The following KCNQ1 variants were observed in gnomAD, a reference collection of about 807,000 sequenced individuals.
The protein encoded by KCNQ1 is potassium voltage-gated channel subfamily Q member 1.
In KCNQ1, 49 loss-of-function variants were observed where a neutral mutation model predicts 72.4. The observed-to-expected ratio is 0.68, with a 90% confidence interval of 0.54 to 0.86. The LOEUF is 0.86. Ranked by LOEUF, KCNQ1 falls within the 40% of genes least tolerant of loss-of-function variation. KCNQ1 has a pLI of 0.00. For missense variants in KCNQ1, 790 were observed against 945.1 expected, an observed-to-expected ratio of 0.84 and a Z score of 2.15; for synonymous variants, 450 against 412.6, an observed-to-expected ratio of 1.09 and a Z score of -1.10.
chr11:2,580,835 G>C (rs996937345), intron 6 of KCNQ1, among the ~76,000 whole-genome samples: 2 of 152,348 alleles, frequency 1.3e-5, no homozygotes, highest in African/African-American at 4.8e-5. Context: ...GTCCAGGCGG[G>C]GTGGGACTTG....
intron 10 of KCNQ1, chr11:2,622,216 T>C: frequency 2.5e-6 from 1 of 398,428 alleles, no homozygotes; most frequent in East Asian, 3.6e-5. Context: ...TATATTTTCT[T>C]ATATTCTGGG....
intron 10 of KCNQ1, chr11:2,646,665 C>T (rs1849670750): frequency 2.5e-6 from 1 of 398,588 alleles, no homozygotes; most frequent in East Asian, 3.6e-5. Flanking sequence ...AGCTGAACTT[C>T]AGGTGCAGGC....
intron 11 of KCNQ1, chr11:2,686,872 T>C (rs1850498299): frequency 5.0e-6 from 2 of 398,662 alleles, no homozygotes; most frequent in East Asian, 7.1e-5. Context: ...CTGGTTTGTG[T>C]CTGCCCAGTG....
intron 15 of KCNQ1, among the ~76,000 whole-genome samples, chr11:2,811,065 C>T (rs113363102): frequency 3.3e-5 from 5 of 152,246 alleles, no homozygotes; most frequent in East Asian, 1.9e-4. Context: ...GGCACCCTTA[C>T]AGCCCCGGCG....
At position 2,537,858 on chromosome 11, in the gene KCNQ1, G is replaced by A. The variant is rs1341722222; in HGVS notation, c.477+9840G>A. ...AGCCTCCTGAGCAGCTGGGACTGTG[G>A]GTGCGTGCCACCATGCCCCGCTAAT... On this transcript the variant is annotated intron_variant, in intron 2 of 15. Transcript: ENST00000155840. The surrounding 1 kb of genome is among the most constrained non-coding windows in gnomAD (Gnocchi z 5.2). Among the ~76,000 whole-genome samples, 1 of 152,148 alleles carries A rather than the reference G, an allele frequency of 6.6e-6. No homozygotes were observed. The highest frequency in any genetic ancestry group is 2.4e-5 in the African/African-American group (1 of 41,432).
In KCNQ1 at chr11:2,507,289, C is replaced by G. The variant is rs2133655212; in HGVS notation, c.387-20639C>G. 6.6e-6 allele frequency among the ~76,000 whole-genome samples: 1 copy of G among 152,334 alleles called. No individual in the cohort carries two copies. The highest frequency in any genetic ancestry group is 2.4e-5 in the African/African-American group (1 of 41,582). On this transcript the variant is annotated intron_variant, in intron 1 of 15. Transcript: ENST00000155840. The surrounding 1 kb of genome is among the most constrained non-coding windows in gnomAD (Gnocchi z 5.4). Reference sequence around the variant, plus strand: ...ACCTCTTCCTTAGAAGTTCACCCCACTGGCTGGGGCCTTCACGAGGCCCCT... The same window carrying G: ...ACCTCTTCCTTAGAAGTTCACCCCAGTGGCTGGGGCCTTCACGAGGCCCCT...
At chr11:2,448,016 G>A (rs891371925) in intron 1 of KCNQ1, among the ~76,000 whole-genome samples, 12 of 152,194 alleles carry the variant, frequency 7.9e-5, no homozygotes, top group Non-Finnish European at 1.5e-4. Flanking sequence ...GCCCGCTTAG[G>A]CTTCCTGCCC....
At chr11:2,842,998 C>T (rs16928743) in intron 15 of KCNQ1, among the ~76,000 whole-genome samples, 2 of 152,174 alleles carry the variant, frequency 1.3e-5, no homozygotes, top group African/African-American at 4.8e-5. Flanking sequence ...AGACCCGCTG[C>T]GGCACACACA....
chr11:2,745,688 C>T lies in KCNQ1; in HGVS notation c.1515-23156C>T, dbSNP rs763407146. Among the ~76,000 whole-genome samples the T allele has an allele frequency of 2.0e-5, 3 of 152,174 alleles. No homozygotes were observed. Among genetic ancestry groups the T allele is most frequent in the Non-Finnish European group, 4.4e-5 (3 of 68,022 alleles). On this transcript the variant is annotated intron_variant, in intron 11 of 15. Coordinates refer to ENST00000155840, the MANE Select transcript of KCNQ1 (RefSeq NM_000218.3). The surrounding 1 kb of genome is among the most constrained non-coding windows in gnomAD (Gnocchi z 6.2). The stretch of plus-strand genomic sequence containing the variant: ...CCTTCTGCTGGGCCTCAGCACCCGG[C>T]GGAGGCAGGGGCTTCCTCTGACACG...
rs575981467 is a variant in KCNQ1, at chr11:2,751,479, G to A, written c.1515-17365G>A. On this transcript the variant is annotated intron_variant, in intron 11 of 15. Transcript: ENST00000155840. ...CCCCCAGGAAACCCTCTCTCCTGACGCGGGGACTTGCGTCTCAGTGCAGAG... is the reference window on the plus strand; with the variant it reads ...CCCCCAGGAAACCCTCTCTCCTGACACGGGGACTTGCGTCTCAGTGCAGAG... Among the ~76,000 whole-genome samples, 11 of 152,370 alleles carry A rather than the reference G, an allele frequency of 7.2e-5. No homozygotes were observed. The East Asian group carries it at 1.4e-3, about 19-fold the overall frequency.
intron 10 of KCNQ1, among the ~76,000 whole-genome samples, chr11:2,590,348 G>A (rs965825018): frequency 2.6e-5 from 4 of 152,254 alleles, no homozygotes; most frequent in African/African-American, 9.6e-5. Context: ...GCCCGATGCT[G>A]CACTGCAGCA....
chr11:2,716,521 G>C (rs1182101497), intron 11 of KCNQ1, among the ~76,000 whole-genome samples: 8 of 152,228 alleles, frequency 5.3e-5, no homozygotes, highest in Non-Finnish European at 8.8e-5. Context: ...CAGCTTCCCA[G>C]GCGTGTGCTT....
Position 2,624,842 on chromosome 11 carries a change from C to G in KCNQ1, c.1393+35988C>G. The G allele has an allele frequency of 5.0e-6, 2 of 398,536 alleles. No individual in the cohort carries two copies. Among genetic ancestry groups the G allele is most frequent in the East Asian group, 7.1e-5 (2 of 28,064 alleles). The allele number at this position is 398,536 out of a possible 1,614,324, so 24.7% of individuals were successfully genotyped here. On this transcript the variant is annotated intron_variant, in intron 10 of 15. Coordinates refer to ENST00000155840, the MANE Select transcript of KCNQ1 (RefSeq NM_000218.3). The surrounding 1 kb of genome is among the most constrained non-coding windows in gnomAD (Gnocchi z 4.9). The stretch of plus-strand genomic sequence containing the variant: ...ATATAAGTGGAAACATACAGTACTT[C>G]TCTTCTTGTGACTGCTGTATTTCAT...
At chr11:2,751,281 C>T (rs1256508039) in intron 11 of KCNQ1, among the ~76,000 whole-genome samples, 2 of 152,226 alleles carry the variant, frequency 1.3e-5, no homozygotes, top group African/African-American at 4.8e-5. Context: ...GGTCCTCCCA[C>T]ACCCTCATCC....
chr11:2,618,403 C>A (rs1410336926), intron 10 of KCNQ1: 1 of 398,382 alleles, frequency 2.5e-6, no homozygotes, highest in East Asian at 3.6e-5. Flanking sequence ...GGTCTGTGGG[C>A]CATGGGTTGG....
chr11:2,531,248 C>T (rs1193958231), intron 2 of KCNQ1, among the ~76,000 whole-genome samples: 4 of 150,506 alleles, frequency 2.7e-5, no homozygotes, highest in Non-Finnish European at 4.4e-5. Context: ...GTCTGCAGCT[C>T]GAGAATTAGA....
At position 2,539,688 on chromosome 11, in the gene KCNQ1, T is replaced by C. The variant is rs571102180; in HGVS notation, c.477+11670T>C. ...CGTGTTTTCTCTCCCGCCTTCCCCA[T>C]AGTCCAGGACAAAAGTCAGACCTTG... is the stretch of plus-strand genomic sequence containing the variant. On this transcript the variant is annotated intron_variant, in intron 2 of 15. Coordinates refer to ENST00000155840, the MANE Select transcript of KCNQ1 (RefSeq NM_000218.3). 3.3e-5 allele frequency among the ~76,000 whole-genome samples: 5 copies of C among 152,304 alleles called. No individual in the cohort carries two copies. In the East Asian group the frequency reaches 9.7e-4, roughly 29 times the overall value.
At chr11:2,517,162 C>T (rs1847301645) in intron 1 of KCNQ1, among the ~76,000 whole-genome samples, 1 of 152,316 alleles carries the variant, frequency 6.6e-6, no homozygotes, top group South Asian at 2.1e-4. Context: ...GGCCAGCCCT[C>T]ATCCCCACTG....
At chr11:2,804,275 C>T (rs2134029839) in intron 15 of KCNQ1, among the ~76,000 whole-genome samples, 1 of 152,306 alleles carries the variant, frequency 6.6e-6, no homozygotes, top group African/African-American at 2.4e-5. Flanking sequence ...TCAGCAAGCA[C>T]AGGCCTCCTG....
Sources: gnomAD v4.1 joint callset for allele counts (sites outside exome capture counted in the v4.1 genomes callset) on GRCh38, gnomAD v4.1.1 for gene constraint, Gnocchi (gnomAD v3.1) non-coding constraint, MANE v1.5 for transcripts, NCBI Gene and HGNC (gene_info 2026-07-23, HGNC 2026-07-21) for gene names.